ZNF385B: variants seen among roughly 807,000 people sequenced by gnomAD.
The protein encoded by ZNF385B is zinc finger protein 533.
A neutral mutation model predicts 39.2 loss-of-function variants in ZNF385B; 23 were observed. That is an observed-to-expected ratio of 0.59 (90% confidence interval 0.42 to 0.83). ZNF385B has a LOEUF of 0.83. Among genes scored for constraint, ZNF385B ranks in the 40% least tolerant of loss-of-function variants. The pLI, the probability that ZNF385B is intolerant of heterozygous loss-of-function variation, is 0.00. For synonymous variants in ZNF385B, 205 were observed against 222.6 expected, an observed-to-expected ratio of 0.92 and a Z score of 0.70; for missense variants, 552 against 598.9, an observed-to-expected ratio of 0.92 and a Z score of 0.82.
intron 1 of ZNF385B, among the ~76,000 whole-genome samples, chr2:179,839,088 TCTTCTAA>T (rs1708413433): frequency 6.6e-6 from 1 of 152,162 alleles, no homozygotes; most frequent in Non-Finnish European, 1.5e-5. Flanking sequence ...TCTGGAGAAT[TCTTCTAA>T]AGAAGATTCA....
intron 3 of ZNF385B, among the ~76,000 whole-genome samples, chr2:179,584,289 C>T (rs1686853462): frequency 6.6e-6 from 1 of 152,004 alleles, no homozygotes. Context: ...TGTCAAAAGT[C>T]CCTGGTGGGG....
At chr2:179,491,620 A>G (rs2055237957) in intron 5 of ZNF385B, among the ~76,000 whole-genome samples, 1 of 152,240 alleles carries the variant, frequency 6.6e-6, no homozygotes, top group African/African-American at 2.4e-5. Context: ...AATTATGTAT[A>G]TAAGGACCTC....
chr2:179,708,749 T>A (rs1043219050), intron 3 of ZNF385B, among the ~76,000 whole-genome samples: 1 of 152,166 alleles, frequency 6.6e-6, no homozygotes, highest in African/African-American at 2.4e-5. Flanking sequence ...GCCAGTCCCA[T>A]GGTGAAGAGT....
intron 3 of ZNF385B, among the ~76,000 whole-genome samples, chr2:179,732,017 A>G (rs1701425501): frequency 6.6e-6 from 1 of 152,236 alleles, no homozygotes; most frequent in Non-Finnish European, 1.5e-5. Flanking sequence ...AGCAAAGGAA[A>G]GAAACTTTTT....
At chr2:179,576,625 A>G (rs1056467345) in intron 3 of ZNF385B, among the ~76,000 whole-genome samples, 1 of 152,188 alleles carries the variant, frequency 6.6e-6, no homozygotes, top group Admixed American at 6.5e-5. Context: ...GCATCTTTCT[A>G]TAAGTGCACA....
intron 4 of ZNF385B, among the ~76,000 whole-genome samples, chr2:179,521,277 C>G (rs1369906339): frequency 7.3e-5 from 11 of 150,828 alleles, no homozygotes; most frequent in African/African-American, 2.4e-4. Flanking sequence ...ACCTCTGCTT[C>G]CTGAGTTCAA....
intron 3 of ZNF385B, among the ~76,000 whole-genome samples, chr2:179,665,975 G>A (rs1343517847): frequency 6.6e-6 from 1 of 152,204 alleles, no homozygotes; most frequent in African/African-American, 2.4e-5. Context: ...ATTGCCAGCT[G>A]GGAGGAATGT....
At position 179,580,670 on chromosome 2, in the gene ZNF385B, C is replaced by A. The variant is rs145740572; in HGVS notation, c.299-35701G>T. ...ATTGGAGCACACAGTGAGAAGGGGG[C>A]ATCTGCAAGCCAGGAAAAGAGCCCT... On this transcript the variant is annotated intron_variant, in intron 3 of 9. Coordinates refer to ENST00000410066, the MANE Select transcript of ZNF385B (RefSeq NM_152520.6). Among the ~76,000 whole-genome samples, 928 of 152,270 alleles carry A rather than the reference C, an allele frequency of 6.1e-3. 15 individuals are homozygous for A. The highest frequency in any genetic ancestry group is 0.021 in the African/African-American group (864 of 41,562).
chr2:179,619,866 C>T (rs1690064381), intron 3 of ZNF385B, among the ~76,000 whole-genome samples: 1 of 152,144 alleles, frequency 6.6e-6, no homozygotes, highest in Non-Finnish European at 1.5e-5. Context: ...ATTCATCCAA[C>T]ACAATGTGAG....
intron 4 of ZNF385B, among the ~76,000 whole-genome samples, chr2:179,537,758 C>CA (rs775747223): frequency 1.3e-4 from 13 of 99,822 alleles, no homozygotes; most frequent in African/African-American, 5.7e-4. Context: ...AACAAACAAA[C>CA]AAACAAACAA....
At position 179,769,733 on chromosome 2, in the gene ZNF385B, C is replaced by T. The variant is rs757231529; in HGVS notation, c.68G>A (p.Arg23Gln). 5.6e-5 allele frequency: 91 copies of T among 1,613,988 alleles called. No homozygotes were observed. The South Asian group carries it at 7.8e-4, about 14-fold the overall frequency. Residue 23 changes from arginine (R) to glutamine (Q), a missense_variant, in exon 3 of 10, where the codon CGG becomes CAG. By Grantham distance (43) the Arg-to-Gln change is conservative. Coordinates refer to ENST00000410066, the MANE Select transcript of ZNF385B (RefSeq NM_152520.6). ...CTTTATCCCCTTTTCTTCAAAGCCC[C>T]GTAGAAAATTTGCCATATTCATGAT... is the stretch of plus-strand genomic sequence containing the variant. ...DGIMNMANFL[R>Q]GFEEKGIKND...
chr2:179,663,693 G>A (rs1336423362), intron 3 of ZNF385B, among the ~76,000 whole-genome samples: 2 of 121,626 alleles, frequency 1.6e-5, no homozygotes, highest in East Asian at 2.5e-4. Context: ...CAGCCTGGGC[G>A]ACAGAGCGAG....
At chr2:179,755,774 C>T (rs578209684) in intron 3 of ZNF385B, among the ~76,000 whole-genome samples, 5 of 152,242 alleles carry the variant, frequency 3.3e-5, no homozygotes, top group African/African-American at 1.2e-4. Flanking sequence ...TTTCTGTTTT[C>T]CATTTGCTTG....
chr2:179,646,205 A>G (rs1290145764), intron 3 of ZNF385B, among the ~76,000 whole-genome samples: 1 of 152,226 alleles, frequency 6.6e-6, no homozygotes, highest in Non-Finnish European at 1.5e-5. Context: ...ACCTGAGGTC[A>G]GTAGTTCAAG....
chr2:179,448,025 A>G (rs2049686970), intron 6 of ZNF385B, among the ~76,000 whole-genome samples: 2 of 151,316 alleles, frequency 1.3e-5, no homozygotes, highest in Admixed American at 6.6e-5. Flanking sequence ...GACTAGACAC[A>G]GCTAGAGGGT....
At chr2:179,480,150 G>A (rs2053840565) in intron 6 of ZNF385B, among the ~76,000 whole-genome samples, 1 of 152,142 alleles carries the variant, frequency 6.6e-6, no homozygotes, top group Admixed American at 6.5e-5. Context: ...TTAAATATCT[G>A]AGAATCACAG....
intron 3 of ZNF385B, among the ~76,000 whole-genome samples, chr2:179,726,487 T>C (rs1355741105): frequency 2.0e-5 from 3 of 152,016 alleles, no homozygotes; most frequent in Non-Finnish European, 2.9e-5. Context: ...GATATGGGAG[T>C]ATTAGTACTA....
intron 1 of ZNF385B, among the ~76,000 whole-genome samples, chr2:179,786,096 C>A (rs1575488559): frequency 6.6e-6 from 1 of 152,134 alleles, no homozygotes; most frequent in Admixed American, 6.6e-5. Flanking sequence ...CCAGCAAAAA[C>A]ATTATGACTC....
chr2:179,679,372 G>A (rs1031074028), intron 3 of ZNF385B, among the ~76,000 whole-genome samples: 1 of 152,134 alleles, frequency 6.6e-6, no homozygotes, highest in Non-Finnish European at 1.5e-5. Context: ...ATTAAGTGAT[G>A]CATGACTGTA....
Sources: gnomAD v4.1 joint callset for allele counts (sites outside exome capture counted in the v4.1 genomes callset) on GRCh38, gnomAD v4.1.1 for gene constraint, MANE v1.5 for transcripts, NCBI Gene and HGNC (gene_info 2026-07-23, HGNC 2026-07-21) for gene names.